The following ATP2B2 variants were observed in gnomAD, a reference collection of about 807,000 sequenced individuals.
ATP2B2 encodes the protein ATPase plasma membrane Ca2+ transporting 2, also known as plasma membrane calcium-transporting ATPase 2.
A neutral mutation model predicts 120.0 loss-of-function variants in ATP2B2; 15 were observed. The observed-to-expected ratio is 0.12, with a 90% CI of 0.08 to 0.19. ATP2B2 has a LOEUF of 0.19. Among genes scored for constraint, ATP2B2 ranks in the 10% least tolerant of loss-of-function variants. ATP2B2 has a pLI of 1.00. For missense variants in ATP2B2, 1,045 were observed against 1,719.8 expected (o/e 0.61, Z 6.94); for synonymous variants, 694 against 700.3 (o/e 0.99, Z 0.14).
chr3:10,456,294 G>A (rs1191747073), intron 1 of ATP2B2, among the ~76,000 whole-genome samples: 1 of 152,188 alleles, frequency 6.6e-6, no homozygotes, highest in Non-Finnish European at 1.5e-5. Context: ...AAGACATGCT[G>A]AATTTAAGTG....
At chr3:10,683,760 G>GTGTATGTA (rs1446781892) in intron 1 of ATP2B2, among the ~76,000 whole-genome samples, 6 of 53,910 alleles carry the variant, frequency 1.1e-4, no homozygotes, top group Non-Finnish European at 3.8e-5. Context: ...GTGTGTGTGT[G>GTGTATGTA]TATATATATA....
At chr3:10,677,953 T>C (rs2071284957) in intron 1 of ATP2B2, among the ~76,000 whole-genome samples, 1 of 152,060 alleles carries the variant, frequency 6.6e-6, no homozygotes, top group Non-Finnish European at 1.5e-5. Flanking sequence ...AGGAAGCAGG[T>C]ATTGTGGACA....
intron 2 of ATP2B2, among the ~76,000 whole-genome samples, chr3:10,442,606 C>T (rs966579450): frequency 5.3e-5 from 8 of 151,958 alleles, no homozygotes; most frequent in African/African-American, 1.9e-4. Flanking sequence ...TTTTTTTTAC[C>T]CCATGGTAGT....
intron 2 of ATP2B2, among the ~76,000 whole-genome samples, chr3:10,607,423 A>T (rs1277116364): frequency 1.3e-5 from 2 of 152,138 alleles, no homozygotes; most frequent in Non-Finnish European, 2.9e-5. Context: ...GGTCTTTTCC[A>T]AAGCCAGGCA....
At chr3:10,701,588 T>A (rs1418229459) in intron 1 of ATP2B2, among the ~76,000 whole-genome samples, 2 of 152,238 alleles carry the variant, frequency 1.3e-5, no homozygotes, top group East Asian at 3.9e-4. Flanking sequence ...ATTAACCACC[T>A]ACTATGTGCC....
At chr3:10,482,944 C>G (rs1456131308) in intron 1 of ATP2B2, among the ~76,000 whole-genome samples, 1 of 152,214 alleles carries the variant, frequency 6.6e-6, no homozygotes, top group Non-Finnish European at 1.5e-5. Flanking sequence ...CCACTGGACC[C>G]TGACAACCAA....
upstream of ATP2B2, among the ~76,000 whole-genome samples, chr3:10,509,142 G>A (rs1053788381): frequency 6.6e-6 from 1 of 152,184 alleles, no homozygotes. Flanking sequence ...GGCAATAGAG[G>A]AGGCTCTCTG....
At chr3:10,351,249 C>T (rs2060570152) in intron 14 of ATP2B2, among the ~76,000 whole-genome samples, 1 of 152,316 alleles carries the variant, frequency 6.6e-6, no homozygotes, top group Non-Finnish European at 1.5e-5. Context: ...AGCCCCGCCC[C>T]ACCCTACCCC....
chr3:10,355,398 C>A (rs1051134448), intron 14 of ATP2B2, among the ~76,000 whole-genome samples: 1 of 152,110 alleles, frequency 6.6e-6, no homozygotes. Context: ...CAGGGGTGAG[C>A]CAACAGGAGA....
At chr3:10,626,945 C>T (rs2069721423) in intron 1 of ATP2B2, 1 of 151,002 alleles carries the variant, frequency 6.6e-6, no homozygotes, top group African/African-American at 2.4e-5. Context: ...GACACTGAGG[C>T]AAACATAAAT....
At chr3:10,595,214 TG>T (rs2068738545) in intron 2 of ATP2B2, among the ~76,000 whole-genome samples, 1 of 152,234 alleles carries the variant, frequency 6.6e-6, no homozygotes, top group Admixed American at 6.5e-5. Context: ...CATCTGCTGC[TG>T]TAAGTGGGCC....
intron 3 of ATP2B2, among the ~76,000 whole-genome samples, chr3:10,405,838 T>G (rs2062392533): frequency 6.6e-6 from 1 of 152,144 alleles, no homozygotes; most frequent in African/African-American, 2.4e-5. Context: ...CCATAAACAT[T>G]TTCTAAACAC....
At chr3:10,640,780 G>A (rs2070150328) in intron 1 of ATP2B2, among the ~76,000 whole-genome samples, 1 of 152,126 alleles carries the variant, frequency 6.6e-6, no homozygotes, top group Admixed American at 6.5e-5. Flanking sequence ...ACGGAGGCAT[G>A]GTGTTTGAAC....
At chr3:10,537,991 C>T (rs1342898509) in intron 2 of ATP2B2, among the ~76,000 whole-genome samples, 1 of 152,054 alleles carries the variant, frequency 6.6e-6, no homozygotes, top group Admixed American at 6.5e-5. Context: ...TTGAATAAAC[C>T]CCACTTGGTC....
At position 10,574,932 on chromosome 3, in the gene ATP2B2, G is replaced by T. The variant is rs555485245; in HGVS notation, c.-414-40799C>A. ...TCTGTCCCTTGCAGGGAGTGTGGTG[G>T]GAACAGCCATTCACAAAGGGCTGGC... On this transcript the variant is annotated intron_variant, in intron 2 of 21. Transcript: ENST00000646379. Among the ~76,000 whole-genome samples, 55 of 152,250 alleles carry T rather than the reference G, an allele frequency of 3.6e-4. No individual in the cohort carries two copies. The East Asian group carries it at 0.011, about 29-fold the overall frequency.
chr3:10,493,446 A>G (rs2066011472), intron 1 of ATP2B2, among the ~76,000 whole-genome samples: 1 of 152,064 alleles, frequency 6.6e-6, no homozygotes, highest in Admixed American at 6.5e-5. Context: ...AGTAAACGAG[A>G]GGAAAGCCAG....
At chr3:10,401,359 T>C (rs888670637) in intron 4 of ATP2B2, among the ~76,000 whole-genome samples, 3 of 152,222 alleles carry the variant, frequency 2.0e-5, no homozygotes, top group Non-Finnish European at 4.4e-5. Flanking sequence ...TGACCTCGCC[T>C]GAACTTGGAG....
At chr3:10,561,594 C>T (rs1360356138) in intron 2 of ATP2B2, among the ~76,000 whole-genome samples, 1 of 152,184 alleles carries the variant, frequency 6.6e-6, no homozygotes, top group African/African-American at 2.4e-5. Flanking sequence ...TTGTAGCTCC[C>T]ATAATTCCCA....
chr3:10,573,335 T>G (rs1359665927), intron 2 of ATP2B2, among the ~76,000 whole-genome samples: 1 of 152,204 alleles, frequency 6.6e-6, no homozygotes, highest in East Asian at 1.9e-4. Context: ...GAAGAGCTGT[T>G]GCTATTTTGA....
Sources: allele counts gnomAD v4.1 joint callset (sites outside exome capture counted in the v4.1 genomes callset), GRCh38; gene constraint gnomAD v4.1.1; transcripts MANE v1.5; gene names NCBI Gene and HGNC (gene_info 2026-07-23, HGNC 2026-07-21).